USF3: variants seen among roughly 807,000 people sequenced by gnomAD.
USF3 encodes the protein upstream transcription factor family member 3.
USF3 carries 29 observed loss-of-function variants against 157.5 expected under a neutral mutation model. The observed-to-expected ratio is 0.18, with a 90% CI of 0.14 to 0.25. The LOEUF is 0.25. Among genes scored for constraint, USF3 ranks in the 10% least tolerant of loss-of-function variants. USF3 has a pLI of 1.00. For synonymous variants in USF3, 893 were observed against 941.4 expected (o/e 0.95, Z 0.94); for missense variants, 2,381 against 2,667.6 (o/e 0.89, Z 2.37).
At position 113,650,126 on chromosome 3, in the gene USF3, C is replaced by A; in HGVS notation, c.*4818G>T. 1 of 451,264 alleles carries A rather than the reference C, an allele frequency of 2.2e-6. No homozygotes were observed. Among genetic ancestry groups the A allele is most frequent in the Non-Finnish European group, 3.9e-6 (1 of 253,482 alleles). 28.0% of individuals were successfully genotyped at this position (451,264 alleles called of 1,614,324 possible). On this transcript the variant is annotated 3_prime_UTR_variant, in exon 7 of 7. Coordinates refer to ENST00000316407, the MANE Select transcript of USF3 (RefSeq NM_001009899.4). ...CAGGCAAAGGTAGCATTTATATAGACAACAAAATTACAAAAATGGCTTCCA... is the reference window on the plus strand; with the variant it reads ...CAGGCAAAGGTAGCATTTATATAGAAAACAAAATTACAAAAATGGCTTCCA...
intron 5 of USF3, among the ~76,000 whole-genome samples, chr3:113,666,832 C>A (rs1947577961): frequency 1.3e-5 from 2 of 152,038 alleles, no homozygotes; most frequent in Admixed American, 6.6e-5. Flanking sequence ...TCATTATCTG[C>A]CCGCCTCGGT....
At chr3:113,673,066 A>G (rs997462732) in intron 4 of USF3, among the ~76,000 whole-genome samples, 2 of 152,180 alleles carry the variant, frequency 1.3e-5, no homozygotes, top group Non-Finnish European at 2.9e-5. Context: ...GGAGAATAAT[A>G]TCTGGACTAT....
Position 113,659,149 on chromosome 3 carries a change from G to T in USF3, c.2533C>A (p.Pro845Thr), listed in dbSNP as rs773304834. The change falls in exon 7 of 7, where the codon CCT (proline) becomes ACT (threonine). Residue 845 changes from proline to threonine, a missense_variant. Pro to Thr is a conservative substitution (Grantham distance 38). Coordinates refer to ENST00000316407, the MANE Select transcript of USF3 (RefSeq NM_001009899.4). ...PCNDGLLESF[P>T]AVLPSVSVSQ... ...ACAGAGACAGATGGTAACACAGCAGGGAAGCTTTCTAGCAGTCCATCATTA... is the reference window on the plus strand; with the variant it reads ...ACAGAGACAGATGGTAACACAGCAGTGAAGCTTTCTAGCAGTCCATCATTA... 18 of 1,614,150 alleles carry T rather than the reference G, an allele frequency of 1.1e-5. No homozygotes were observed. The South Asian group carries it at 1.9e-4, about 17-fold the overall frequency.
chr3:113,649,584 C>G lies in USF3; in HGVS notation c.*5360G>C. 2.6e-6 allele frequency: 1 copy of G among 384,942 alleles called. No individual in the cohort carries two copies. The highest frequency in any genetic ancestry group is 3.8e-5 in the East Asian group (1 of 26,572). The allele number at this position is 384,942 out of a possible 1,614,324, so 23.8% of individuals were successfully genotyped here. ...GTAAGGCAACAGTGAGAAACATCAG[C>G]TGTACTTGTCGAGAAGGTGTCTGAT... On this transcript the variant is annotated 3_prime_UTR_variant, in exon 7 of 7. Coordinates refer to ENST00000316407, the MANE Select transcript of USF3 (RefSeq NM_001009899.4).
Position 113,652,629 on chromosome 3 carries a change from G to A in USF3, c.*2315C>T, listed in dbSNP as rs1947284096. ...GGTATTCACTGGAGTTAACTGCTCTGACCAACCCTTAGGAAGCTTTTTAGG... is the reference window on the plus strand; with the variant it reads ...GGTATTCACTGGAGTTAACTGCTCTAACCAACCCTTAGGAAGCTTTTTAGG... On this transcript the variant is annotated 3_prime_UTR_variant, in exon 7 of 7. Coordinates refer to ENST00000316407, the MANE Select transcript of USF3 (RefSeq NM_001009899.4). 6.7e-6 allele frequency: 1 copy of A among 148,590 alleles called. No individual in the cohort carries two copies. Among genetic ancestry groups the A allele is most frequent in the Non-Finnish European group, 1.5e-5 (1 of 67,544 alleles). 9.2% of individuals were successfully genotyped at this position (148,590 alleles called of 1,614,324 possible).
In USF3 at chr3:113,677,349, T is replaced by G. The variant is rs1394294463; in HGVS notation, c.-86A>C. On this transcript the variant is annotated 5_prime_UTR_variant, in exon 2 of 7. Coordinates refer to ENST00000316407, the MANE Select transcript of USF3 (RefSeq NM_001009899.4). ...CAATGCCTCCCGTTTCTGATCCAAATGTATCATCTTCTGCCAGAAGATGGT... is the reference window on the plus strand; with the variant it reads ...CAATGCCTCCCGTTTCTGATCCAAAGGTATCATCTTCTGCCAGAAGATGGT... 1 of 152,184 alleles carries G rather than the reference T, an allele frequency of 6.6e-6. No individual in the cohort carries two copies. The highest frequency in any genetic ancestry group is 1.5e-5 in the Non-Finnish European group (1 of 68,042). The allele number at this position is 152,184 out of a possible 1,614,324, so 9.4% of individuals were successfully genotyped here.
In USF3 at chr3:113,658,440, C is replaced by T; in HGVS notation, c.3242G>A (p.Gly1081Asp). 1.2e-6 allele frequency: 2 copies of T among 1,614,060 alleles called. No homozygotes were observed. The highest frequency in any genetic ancestry group is 2.2e-5 in the East Asian group (1 of 44,882). ...QEVINGSLIN[G>D]RQADSPMSTS... ...TGACATGGGAGAGTCGGCCTGTCTACCGTTGATCAAAGAACCATTAATAAC... is the reference window on the plus strand; with the variant it reads ...TGACATGGGAGAGTCGGCCTGTCTATCGTTGATCAAAGAACCATTAATAAC... The change falls in exon 7 of 7, where the codon GGT (glycine) becomes GAT (aspartate). Residue 1081 changes from glycine to aspartate, a missense_variant. Transcript: ENST00000316407.
Position 113,658,750 on chromosome 3 carries a change from T to C in USF3, c.2932A>G (p.Ile978Val), listed in dbSNP as rs771568001. The change falls in exon 7 of 7, where the codon ATC (isoleucine) becomes GTC (valine). Residue 978 changes from isoleucine to valine, a missense_variant. Transcript: ENST00000316407. ...TSTDCVSEVE[I>V]IAEPCRVEQD... is the part of the protein sequence containing the mutation. ...TCAACTCTGCAAGGTTCAGCAATGA[T>C]TTCTACCTCAGAAACACAGTCAGTA... 4.3e-6 allele frequency: 7 copies of C among 1,614,086 alleles called. No homozygotes were observed. In the African/African-American group the frequency reaches 6.7e-5, roughly 15 times the overall value.
In USF3 at chr3:113,655,858, T is replaced by C; in HGVS notation, c.5824A>G (p.Asn1942Asp). 6.2e-7 allele frequency: 1 copy of C among 1,614,136 alleles called. No individual in the cohort carries two copies. The highest frequency in any genetic ancestry group is 8.5e-7 in the Non-Finnish European group (1 of 1,180,018). The change falls in exon 7 of 7, where the codon AAC becomes GAC. Residue 1942 changes from asparagine (N) to aspartate (D), a missense_variant. Around this residue, in one of 6 missense-constraint regions of USF3, gnomAD observed 770 missense variants for 824.2 expected, o/e 0.93. Transcript: ENST00000316407. Reference protein sequence around the residue: ...KGHMNPPVTTNMHGVARPALP... With the variant: ...KGHMNPPVTTDMHGVARPALP... The stretch of plus-strand genomic sequence containing the variant: ...GCTGGCCTTGCAACCCCATGCATGT[T>C]GGTTGTGACTGGAGGGTTCATGTGG...
chr3:113,658,936 G>C lies in USF3; in HGVS notation c.2746C>G (p.Leu916Val). Residue 916 changes from leucine to valine, a missense_variant, in exon 7 of 7, where the codon CTA (leucine) becomes GTA (valine). Transcript: ENST00000316407. Reference sequence around the variant, plus strand: ...TTATCCTGAGATGTCTCTTGTTGTAGATTAGGGGTAGAATCTTTGGATTTT... The same window carrying C: ...TTATCCTGAGATGTCTCTTGTTGTACATTAGGGGTAGAATCTTTGGATTTT... Reference protein sequence around the residue: ...AAKSKDSTPNLQQETSQDKPP... With the variant: ...AAKSKDSTPNVQQETSQDKPP... 6.2e-7 allele frequency: 1 copy of C among 1,614,180 alleles called. No individual in the cohort carries two copies. Among genetic ancestry groups the C allele is most frequent in the Admixed American group, 1.7e-5 (1 of 60,014 alleles).
In USF3 at chr3:113,659,202, T is replaced by A. The variant is rs2107923605; in HGVS notation, c.2480A>T (p.Asn827Ile). 1.2e-6 allele frequency: 2 copies of A among 1,614,188 alleles called. No individual in the cohort carries two copies. The highest frequency in any genetic ancestry group is 4.5e-5 in the East Asian group (2 of 44,890). Residue 827 changes from asparagine (N) to isoleucine (I), a missense_variant, in exon 7 of 7, where the codon AAC (asparagine) becomes ATC (isoleucine). Coordinates refer to ENST00000316407, the MANE Select transcript of USF3 (RefSeq NM_001009899.4). ...VRDVSKLDCP[N>I]TEGSAEPPCN... ...GGGTGGCTCTGCTGAGCCTTCAGTG[T>A]TGGGGCAGTCTAACTTGCTCACATC... is the stretch of plus-strand genomic sequence containing the variant.
intron 5 of USF3, among the ~76,000 whole-genome samples, chr3:113,665,601 C>T (rs556815288): frequency 5.3e-4 from 81 of 152,228 alleles, no homozygotes; most frequent in African/African-American, 1.9e-3. Flanking sequence ...CCGAGGCGGG[C>T]AGACACTTGA....
intron 1 of USF3, among the ~76,000 whole-genome samples, chr3:113,693,405 G>A (rs901953130): frequency 4.6e-5 from 7 of 152,084 alleles, no homozygotes; most frequent in African/African-American, 1.7e-4. Context: ...ACAGAAACAA[G>A]TACAACTGTT....
At position 113,651,072 on chromosome 3, in the gene USF3, T is replaced by A. The variant is rs959978903; in HGVS notation, c.*3872A>T. 12 of 152,178 alleles carry A rather than the reference T, an allele frequency of 7.9e-5. No individual in the cohort carries two copies. The highest frequency in any genetic ancestry group is 2.9e-4 in the African/African-American group (12 of 41,444). 9.4% of individuals were successfully genotyped at this position (152,178 alleles called of 1,614,324 possible). A position where few individuals can be genotyped will look rare whatever the true frequency, so the allele number is the denominator to read the frequency against. ...ATTCCTTTCATCTATGATTGACACA[T>A]TAAATGTTTACGCATGAAGAGAATC... On this transcript the variant is annotated 3_prime_UTR_variant, in exon 7 of 7. Transcript: ENST00000316407.
intron 6 of USF3, among the ~76,000 whole-genome samples, chr3:113,662,498 C>T (rs1229450427): frequency 2.0e-5 from 3 of 152,192 alleles, no homozygotes; most frequent in African/African-American, 7.2e-5. Flanking sequence ...AGGCTAACAC[C>T]CTGTGAGGGA....
At chr3:113,675,623 T>C (rs1340134238) in intron 2 of USF3, among the ~76,000 whole-genome samples, 1 of 152,212 alleles carries the variant, frequency 6.6e-6, no homozygotes, top group African/African-American at 2.4e-5. Context: ...TTCTCTTCTC[T>C]GACTTTCAAA....
chr3:113,656,448 T>G lies in USF3; in HGVS notation c.5234A>C (p.Gln1745Pro), dbSNP rs770404956. Reference sequence around the variant, plus strand: ...TTGTACTTCAAAATTACTCTGGGGCTGTTGACTAGCTCCACTTGGTTTAAA... The same window carrying G: ...TTGTACTTCAAAATTACTCTGGGGCGGTTGACTAGCTCCACTTGGTTTAAA... ...QTFKPSGASQ[Q>P]PQSNFEVQSS... The change falls in exon 7 of 7, where the codon CAG becomes CCG. Residue 1745 changes from glutamine (Q) to proline (P), a missense_variant. Transcript: ENST00000316407. 4 of 1,614,230 alleles carry G rather than the reference T, an allele frequency of 2.5e-6. No individual in the cohort carries two copies. The highest frequency in any genetic ancestry group is 3.4e-6 in the Non-Finnish European group (4 of 1,180,052).
intron 1 of USF3, among the ~76,000 whole-genome samples, chr3:113,689,106 A>G (rs1285855767): frequency 6.6e-6 from 1 of 152,240 alleles, no homozygotes; most frequent in Non-Finnish European, 1.5e-5. Context: ...CCTCACATCA[A>G]TGAATGAAAT....
chr3:113,686,170 T>C lies in USF3; in HGVS notation c.-134-8773A>G, dbSNP rs149929073. Among the ~76,000 whole-genome samples the C allele has an allele frequency of 7.1e-4, 108 of 152,318 alleles. 2 individuals carry two copies. In the East Asian group the frequency reaches 0.018, roughly 25 times the overall value. On this transcript the variant is annotated intron_variant, in intron 1 of 6. Transcript: ENST00000316407. ...TAGCTGGAACTCATGTTCCAACTGA[T>C]AGGATGGAAGATTCCCCTCTGGCAA...
Sources: gnomAD v4.1 joint callset for allele counts (sites outside exome capture counted in the v4.1 genomes callset) on GRCh38, gnomAD v4.1.1 for gene constraint, gnomAD v4.1.1 regional missense constraint, MANE v1.5 for transcripts, NCBI Gene and HGNC (gene_info 2026-07-23, HGNC 2026-07-21) for gene names.